Variants in TMPRSS6 observed in about 807,000 individuals in gnomAD.
TMPRSS6 encodes transmembrane protease serine 6.
TMPRSS6 carries 67 observed loss-of-function variants against 101.5 expected under a neutral mutation model. The ratio of observed to expected loss-of-function variants is 0.66; its 90% CI spans 0.54 to 0.81. The LOEUF (loss-of-function observed/expected upper bound fraction) is 0.81, where lower values mean the gene tolerates loss of function less well. Ranked by LOEUF, TMPRSS6 falls within the 30% of genes least tolerant of loss-of-function variation. TMPRSS6 has a pLI of 0.00. For synonymous variants in TMPRSS6, 453 were observed against 464.9 expected (o/e 0.97, Z 0.33); for missense variants, 1,034 against 1,088.7 (o/e 0.95, Z 0.71).
At chr22:37,083,140 C>T (rs1928394390) in intron 10 of TMPRSS6, 4 of 460,414 alleles carry the variant, frequency 8.7e-6, no homozygotes, top group South Asian at 3.2e-5. Flanking sequence ...ACCCATTAGG[C>T]CCCCAGAATT....
chr22:37,072,192 G>GA (rs1927013202), intron 13 of TMPRSS6, among the ~76,000 whole-genome samples: 1 of 147,858 alleles, frequency 6.8e-6, no homozygotes, highest in Non-Finnish European at 1.5e-5. Context: ...ATGGATGGAT[G>GA]ATGGATGAAT....
At chr22:37,075,368 G>A in intron 10 of TMPRSS6, 88 bp from the exon 11 acceptor site, 5 of 1,567,782 alleles carry the variant, frequency 3.2e-6, no homozygotes, top group Non-Finnish European at 2.6e-6. Context: ...CAGCCAGAGG[G>A]GCAGGGGGAG....
rs1410157531 is a variant in TMPRSS6, at chr22:37,065,603, C to T, written c.*477G>A. ...CAGGCCCACCTGGCAGTCTCCAGGG[C>T]TCTGAGGGTCCCCTCCGATGGGAGC... is the stretch of plus-strand genomic sequence containing the variant. On this transcript the variant is annotated 3_prime_UTR_variant, in exon 18 of 18. Transcript: ENST00000676104. 2.9e-5 allele frequency: 5 copies of T among 173,796 alleles called. No homozygotes were observed. Among genetic ancestry groups the T allele is most frequent in the East Asian group, 1.5e-4 (1 of 6,494 alleles). 10.8% of individuals were successfully genotyped at this position (173,796 alleles called of 1,614,324 possible).
chr22:37,074,620 C>T lies in TMPRSS6; in HGVS notation c.1431G>A (p.Glu477=), dbSNP rs753536777. ...GGGCGGGTTACTCACCGCAGTTTCT[C>T]TCATCCAGGCCGTTGGGGCAGTCCT... ...GVKDCPNGLD[E]RNCVCRATFQ... The change falls in exon 12 of 18, where the codon GAG becomes GAA. Residue 477 remains glutamate, a synonymous_variant. Transcript: ENST00000676104. 1 of 1,614,208 alleles carries T rather than the reference C, an allele frequency of 6.2e-7. No homozygotes were observed. The highest frequency in any genetic ancestry group is 8.5e-7 in the Non-Finnish European group (1 of 1,180,026).
At position 37,069,327 on chromosome 22, in the gene TMPRSS6, A is replaced by G; in HGVS notation, c.1859T>C (p.Leu620Pro). 9.2e-7 allele frequency: 1 copy of G among 1,089,486 alleles called. No individual in the cohort carries two copies. Among genetic ancestry groups the G allele is most frequent in the Non-Finnish European group, 1.3e-6 (1 of 797,298 alleles). 67.5% of individuals were successfully genotyped at this position (1,089,486 alleles called of 1,614,324 possible). ...FQEDSMASTVLWTVFLGKVWQ... is the reference protein window; with the variant it reads ...FQEDSMASTVPWTVFLGKVWQ... ...CACCTTGCCCAGGAACACGGTCCAC[A>G]GCACCGTGGAGGCCATGCTGGGGTG... Residue 620 changes from leucine to proline, a missense_variant, in exon 16 of 18, where the codon CTG becomes CCG. Leu to Pro is a moderately conservative substitution (Grantham distance 98). Coordinates refer to ENST00000676104, the MANE Select transcript of TMPRSS6 (RefSeq NM_001374504.1). This position sits in a 1 kb window ranked among gnomAD's most constrained non-coding sequence, Gnocchi z 4.8.
rs561545070 is a variant in TMPRSS6 at position 37,083,730 on chromosome 22, A to G, written c.1196+565T>C. Among the ~76,000 whole-genome samples, 4 of 152,334 alleles carry G rather than the reference A, an allele frequency of 2.6e-5. No individual in the cohort carries two copies. The East Asian group carries it at 5.8e-4, about 22-fold the overall frequency. ...CTGTAAGGACTCACTTCTTTGTCGG[A>G]AACTTAGTTACCAGAGGGAGCAAGG... On this transcript the variant is annotated intron_variant, in intron 10 of 17. Transcript: ENST00000676104.
rs1601578706 is a variant in TMPRSS6, at chr22:37,103,726, A to C, written c.-1-308T>G. On this transcript the variant is annotated intron_variant, in intron 1 of 17. Transcript: ENST00000676104. The surrounding 1 kb of genome is among the most constrained non-coding windows in gnomAD (Gnocchi z 4.4). ...CGGAGGTCTCAGTACCTAAACACCC[A>C]CCTCCCTAGAGGCTGCACCCACAGA... 1 of 762,046 alleles carries C rather than the reference A, an allele frequency of 1.3e-6. No individual in the cohort carries two copies. The highest frequency in any genetic ancestry group is 1.5e-5 in the South Asian group (1 of 64,824). The allele number at this position is 762,046 out of a possible 1,614,324, so 47.2% of individuals were successfully genotyped here. A position where few individuals can be genotyped will look rare whatever the true frequency, so the allele number is the denominator to read the frequency against.
intron 10 of TMPRSS6, among the ~76,000 whole-genome samples, chr22:37,079,896 T>C (rs1183258169): frequency 6.6e-6 from 1 of 152,230 alleles, no homozygotes; most frequent in Non-Finnish European, 1.5e-5. Flanking sequence ...CCGCCTGTGC[T>C]GGCCACTAGC....
intron 8 of TMPRSS6, among the ~76,000 whole-genome samples, chr22:37,085,414 G>C (rs1928658892): frequency 6.6e-6 from 1 of 152,168 alleles, no homozygotes; most frequent in Non-Finnish European, 1.5e-5. Flanking sequence ...GCTCCAGTTT[G>C]GCCAGCTGGG....
Position 37,069,022 on chromosome 22 carries a change from C to G in TMPRSS6, c.2113+51G>C, listed in dbSNP as rs375454660. 2 of 1,531,910 alleles carry G rather than the reference C, an allele frequency of 1.3e-6. No homozygotes were observed. Among genetic ancestry groups the G allele is most frequent in the Non-Finnish European group, 1.7e-6 (2 of 1,145,602 alleles). 94.9% of individuals were successfully genotyped at this position (1,531,910 alleles called of 1,614,324 possible). A position where few individuals can be genotyped will look rare whatever the true frequency, so the allele number is the denominator to read the frequency against. On this transcript the variant is annotated intron_variant, in intron 16 of 17. Transcript: ENST00000676104. This position sits in a 1 kb window ranked among gnomAD's most constrained non-coding sequence, Gnocchi z 4.8. The stretch of plus-strand genomic sequence containing the variant: ...CTTCTCCAGGCCAGGTGTTACGGCG[C>G]AGATCCGCACGGTCTCCCTCCGCCT...
chr22:37,085,266 G>A (rs1928644237), intron 8 of TMPRSS6, among the ~76,000 whole-genome samples: 1 of 152,220 alleles, frequency 6.6e-6, no homozygotes, highest in South Asian at 2.1e-4. Context: ...AGGCTGAGGG[G>A]TCCAGGGGTC....
intron 1 of TMPRSS6, among the ~76,000 whole-genome samples, chr22:37,105,011 G>A (rs1372401906): frequency 3.3e-5 from 5 of 151,984 alleles, no homozygotes; most frequent in Admixed American, 6.6e-5. Flanking sequence ...AGATGCAGGC[G>A]GGGCTTCCTT....
chr22:37,095,577 T>C lies in TMPRSS6; in HGVS notation c.605A>G (p.Asp202Gly), dbSNP rs1325786163. 6.2e-7 allele frequency: 1 copy of C among 1,611,178 alleles called. No individual in the cohort carries two copies. The highest frequency in any genetic ancestry group is 8.5e-7 in the Non-Finnish European group (1 of 1,179,516). Residue 202 changes from aspartate to glycine, a missense_variant, in exon 6 of 18, where the codon GAC (aspartate) becomes GGC (glycine). Transcript: ENST00000676104. ...GLVILEASVKDIAALNSTLGC... is the reference protein window; with the variant it reads ...GLVILEASVKGIAALNSTLGC... ...CAGCGTGGAATTCAATGCAGCTATG[T>C]CTTTCACACTGGCTTCTGATAAAAG...
intron 12 of TMPRSS6, among the ~76,000 whole-genome samples, chr22:37,074,040 C>T (rs1601526662): frequency 6.6e-6 from 1 of 152,184 alleles, no homozygotes; most frequent in Non-Finnish European, 1.5e-5. Context: ...TGAGCCACTG[C>T]GCCCGGCCTC....
rs149061609 is a variant in TMPRSS6, at chr22:37,084,778, C to T, written c.1035G>A (p.Pro345=). The T allele has an allele frequency of 5.6e-5, 88 of 1,566,870 alleles. No individual in the cohort carries two copies. In the East Asian group the frequency reaches 1.5e-3, roughly 26 times the overall value. ...GGGGCGAGTAGTAGCTGGGGAAGTA[C>T]GGGGTGCTGAGGACGCCCTGGGAGT... The part of the protein sequence containing the change: ...RLDSQGVLST[P]YFPSYYSPQT... Residue 345 remains proline (P), a synonymous_variant, in exon 9 of 18, where the codon CCG becomes CCA. Coordinates refer to ENST00000676104, the MANE Select transcript of TMPRSS6 (RefSeq NM_001374504.1).
chr22:37,076,073 AAAAGAAAGAAAGAG>A (rs1186276932), intron 10 of TMPRSS6, among the ~76,000 whole-genome samples: 1 of 151,920 alleles, frequency 6.6e-6, no homozygotes, highest in African/African-American at 2.4e-5. Context: ...AAAAGAAAAG[AAAAGAAAGAAAGAG>A]AAAGAAAGAA....
chr22:37,093,529 A>G (rs1929463040), intron 6 of TMPRSS6, among the ~76,000 whole-genome samples: 1 of 148,068 alleles, frequency 6.8e-6, no homozygotes, highest in Non-Finnish European at 1.5e-5. Context: ...CAGCCTCCTG[A>G]CTGGTTAGGA....
intron 1 of TMPRSS6, among the ~76,000 whole-genome samples, chr22:37,107,080 T>A (rs924206833): frequency 6.6e-6 from 1 of 152,202 alleles, no homozygotes; most frequent in African/African-American, 2.4e-5. Flanking sequence ...TCAGAAAGAA[T>A]GAGTGAATGA....
At chr22:37,098,632 C>A in intron 2 of TMPRSS6, 83 bp from the exon 3 acceptor site, 1 of 1,598,994 alleles carries the variant, frequency 6.3e-7, no homozygotes, top group South Asian at 1.1e-5. Context: ...TCCTGCCACC[C>A]ACACCCTCAG....
Sources: allele counts gnomAD v4.1 joint callset (sites outside exome capture counted in the v4.1 genomes callset), GRCh38; gene constraint gnomAD v4.1.1; non-coding constraint Gnocchi (gnomAD v3.1); transcripts MANE v1.5; gene names NCBI Gene and HGNC (gene_info 2026-07-23, HGNC 2026-07-21).